COMMD10: variants seen among roughly 807,000 people sequenced by gnomAD.
COMMD10 encodes the protein COMM domain containing 10.
COMMD10 carries 33 observed loss-of-function variants against 28.9 expected under a neutral mutation model. The observed-to-expected ratio is 1.14, with a 90% CI of 0.87 to 1.53. The LOEUF is 1.53. COMMD10 is among the 40% of genes most tolerant of loss of function. The pLI is 0.00. For missense variants in COMMD10, 310 were observed against 233.4 expected, an observed-to-expected ratio of 1.33 and a Z score of -2.14; for synonymous variants, 110 against 81.7, an observed-to-expected ratio of 1.35 and a Z score of -1.87.
At chr5:116,247,327 G>C (rs891956524) in intron 5 of COMMD10, among the ~76,000 whole-genome samples, 2 of 152,028 alleles carry the variant, frequency 1.3e-5, no homozygotes, top group African/African-American at 4.8e-5. Context: ...ACAGATGTTG[G>C]TGAGGTTGTG....
At chr5:116,238,801 G>A (rs541773821) in intron 5 of COMMD10, among the ~76,000 whole-genome samples, 1 of 152,096 alleles carries the variant, frequency 6.6e-6, no homozygotes, top group Non-Finnish European at 1.5e-5. Context: ...GGAGAGACTG[G>A]GCTTTGACAT....
At chr5:116,224,176 C>G (rs1303682809) in intron 5 of COMMD10, among the ~76,000 whole-genome samples, 1 of 152,080 alleles carries the variant, frequency 6.6e-6, no homozygotes, top group Admixed American at 6.6e-5. Flanking sequence ...ACCAATGTAT[C>G]TTTTCAATGA....
chr5:116,156,014 C>CT, intron 5 of COMMD10, among the ~76,000 whole-genome samples: 1 of 151,970 alleles, frequency 6.6e-6, no homozygotes, highest in East Asian at 1.9e-4. Flanking sequence ...TTTGTGGTTT[C>CT]TTTTTTCTTC....
At chr5:116,147,437 G>A (rs1248488998) in intron 5 of COMMD10, among the ~76,000 whole-genome samples, 1 of 151,832 alleles carries the variant, frequency 6.6e-6, no homozygotes, top group African/African-American at 2.4e-5. Context: ...TTTCGTAAAT[G>A]TTTGATTCCT....
At chr5:116,127,796 G>C (rs1436733790) in intron 4 of COMMD10, among the ~76,000 whole-genome samples, 2 of 152,088 alleles carry the variant, frequency 1.3e-5, no homozygotes, top group East Asian at 3.9e-4. Flanking sequence ...GGAAGGAGGA[G>C]GGATAGCAGT....
intron 5 of COMMD10, among the ~76,000 whole-genome samples, chr5:116,149,830 T>A (rs1752459912): frequency 6.8e-6 from 1 of 148,080 alleles, no homozygotes; most frequent in Non-Finnish European, 1.5e-5. Flanking sequence ...GATGGTAGTT[T>A]CTTTTGCTGT....
At chr5:116,155,002 G>A (rs553919837) in intron 5 of COMMD10, among the ~76,000 whole-genome samples, 42 of 152,114 alleles carry the variant, frequency 2.8e-4, no homozygotes, top group African/African-American at 1.0e-3. Context: ...TGTTGGAACT[G>A]TTGCTGTTTC....
intron 4 of COMMD10, among the ~76,000 whole-genome samples, chr5:116,113,199 A>G (rs1330846043): frequency 6.6e-6 from 1 of 151,766 alleles, no homozygotes; most frequent in Non-Finnish European, 1.5e-5. Context: ...AGTTTGATGG[A>G]CTTTCCTTTA....
intron 4 of COMMD10, among the ~76,000 whole-genome samples, chr5:116,097,154 T>C (rs1452727046): frequency 6.6e-6 from 1 of 152,210 alleles, no homozygotes. Context: ...TCATTTGTCA[T>C]ATAAAATATG....
In COMMD10 at chr5:116,292,982, A is replaced by G. The variant is rs1055976966; in HGVS notation, c.*493A>G. On this transcript the variant is annotated 3_prime_UTR_variant, in exon 7 of 7. Coordinates refer to ENST00000274458, the MANE Select transcript of COMMD10 (RefSeq NM_016144.4). ...ATGATGAGTATATTTTGCTTCGGAAATAATATAGGAAGGAAATGTAAAATA... is the reference window on the plus strand; with the variant it reads ...ATGATGAGTATATTTTGCTTCGGAAGTAATATAGGAAGGAAATGTAAAATA... 6 of 397,282 alleles carry G rather than the reference A, an allele frequency of 1.5e-5. No individual in the cohort carries two copies. Among genetic ancestry groups the G allele is most frequent in the South Asian group, 1.3e-4 (1 of 7,850 alleles). 24.6% of individuals were successfully genotyped at this position (397,282 alleles called of 1,614,324 possible).
At chr5:116,276,071 A>G (rs1452546401) in intron 5 of COMMD10, among the ~76,000 whole-genome samples, 2 of 151,566 alleles carry the variant, frequency 1.3e-5, no homozygotes, top group East Asian at 3.9e-4. Context: ...TGTGCTGTAC[A>G]GCACCAAAGC....
chr5:116,107,697 G>T (rs577132586), intron 4 of COMMD10, among the ~76,000 whole-genome samples: 4 of 152,010 alleles, frequency 2.6e-5, no homozygotes, highest in Non-Finnish European at 5.9e-5. Flanking sequence ...CGTCAAACTC[G>T]TTCTCCGTCC....
At chr5:116,170,170 C>T (rs1753274495) in intron 5 of COMMD10, among the ~76,000 whole-genome samples, 1 of 152,152 alleles carries the variant, frequency 6.6e-6, no homozygotes, top group South Asian at 2.1e-4. Context: ...GTGCACAAAT[C>T]ACAAGCATTC....
At position 116,092,679 on chromosome 5, in the gene COMMD10, G is replaced by A. The variant is rs1421002752; in HGVS notation, c.378G>A (p.Gln126=). The change falls in exon 4 of 7, where the codon CAG becomes CAA. Residue 126 remains glutamine (Q), a synonymous_variant. Coordinates refer to ENST00000274458, the MANE Select transcript of COMMD10 (RefSeq NM_016144.4). ...MGQETVEKFR[Q]RILAPCKLET... is the part of the protein sequence containing the mutation. ...AAGAAACAGTTGAAAAGTTCCGGCA[G>A]AGAATTCTGGCTCCCTGTAAGGTAT... 1.2e-6 allele frequency: 2 copies of A among 1,607,478 alleles called. No individual in the cohort carries two copies. The highest frequency in any genetic ancestry group is 3.4e-5 in the Admixed American group (2 of 59,026).
At chr5:116,224,629 T>C (rs962971686) in intron 5 of COMMD10, among the ~76,000 whole-genome samples, 19 of 152,124 alleles carry the variant, frequency 1.2e-4, no homozygotes, top group Admixed American at 1.3e-4. Flanking sequence ...AACTCATTTA[T>C]TGTGAGGACA....
At chr5:116,085,483 G>C (rs947765506) in intron 1 of COMMD10, 4 of 233,262 alleles carry the variant, frequency 1.7e-5, no homozygotes, top group African/African-American at 9.1e-5. Context: ...AGACACTCTG[G>C]TGGGAAAGGC....
At chr5:116,164,377 C>T (rs1419415298) in intron 5 of COMMD10, among the ~76,000 whole-genome samples, 2 of 152,058 alleles carry the variant, frequency 1.3e-5, no homozygotes, top group African/African-American at 4.8e-5. Flanking sequence ...TTTTGTATTT[C>T]TGGTTAATTT....
At chr5:116,281,917 G>T in intron 5 of COMMD10, among the ~76,000 whole-genome samples, 1 of 151,490 alleles carries the variant, frequency 6.6e-6, no homozygotes, top group Admixed American at 6.6e-5. Context: ...CTTTTTTTTG[G>T]TCCCATGTGA....
At chr5:116,213,841 T>A (rs1749030247) in intron 5 of COMMD10, among the ~76,000 whole-genome samples, 1 of 152,152 alleles carries the variant, frequency 6.6e-6, no homozygotes, top group Admixed American at 6.5e-5. Flanking sequence ...ATGTGAATGA[T>A]TTATGAAATT....
Sources: gnomAD v4.1 joint callset for allele counts (sites outside exome capture counted in the v4.1 genomes callset) on GRCh38, gnomAD v4.1.1 for gene constraint, MANE v1.5 for transcripts, NCBI Gene and HGNC (gene_info 2026-07-23, HGNC 2026-07-21) for gene names.